The following STK38L variants were observed in gnomAD, a reference collection of about 807,000 sequenced individuals.
STK38L encodes the protein serine/threonine kinase 38 like, also known as serine/threonine-protein kinase 38-like.
A neutral mutation model predicts 59.7 loss-of-function variants in STK38L; 28 were observed. The ratio of observed to expected loss-of-function variants is 0.47; its 90% CI spans 0.35 to 0.64. The LOEUF is 0.64. STK38L is among the 30% of genes least tolerant of loss of function. STK38L has a pLI of 0.01. For missense variants in STK38L, 314 were observed against 555.8 expected, an observed-to-expected ratio of 0.56 and a Z score of 4.37; for synonymous variants, 162 against 176.8, an observed-to-expected ratio of 0.92 and a Z score of 0.66.
chr12:27,314,713 G>C (rs1177617177), intron 7 of STK38L, 55 bp downstream of exon 7: 1 of 1,514,820 alleles, frequency 6.6e-7, no homozygotes, highest in African/African-American at 1.4e-5. Flanking sequence ...TAGAGCAGTA[G>C]GGCTGATTTT....
chr12:27,315,527 CAA>C (rs1265304234), intron 9 of STK38L, among the ~76,000 whole-genome samples, 177 bp downstream of exon 9: 1 of 152,154 alleles, frequency 6.6e-6, no homozygotes, highest in East Asian at 1.9e-4. Flanking sequence ...GCCTGTAAAG[CAA>C]AGTGTTGGTT....
chr12:27,307,737 C>A (rs1464543894), intron 3 of STK38L, among the ~76,000 whole-genome samples: 1 of 152,102 alleles, frequency 6.6e-6, no homozygotes, highest in Non-Finnish European at 1.5e-5. Flanking sequence ...TTTTTGTGGT[C>A]TTTGTAGAAT....
chr12:27,256,942 G>A (rs1943103014), intron 1 of STK38L, among the ~76,000 whole-genome samples: 1 of 152,168 alleles, frequency 6.6e-6, no homozygotes. Context: ...TTGTCATAAA[G>A]GAACATAGGG....
intron 2 of STK38L, among the ~76,000 whole-genome samples, chr12:27,301,070 TACTC>T (rs1168648277): frequency 3.3e-5 from 5 of 152,218 alleles, no homozygotes; most frequent in Non-Finnish European, 5.9e-5. Context: ...AAAATACTAA[TACTC>T]ACTTGGAAAT....
intron 1 of STK38L, among the ~76,000 whole-genome samples, chr12:27,290,731 T>C (rs1348239400): frequency 6.6e-6 from 1 of 152,138 alleles, no homozygotes; most frequent in East Asian, 1.9e-4. Context: ...GGAGAGTTGG[T>C]GGACGGGTGG....
At chr12:27,313,387 A>G (rs1350367270) in intron 6 of STK38L, among the ~76,000 whole-genome samples, 1 of 151,870 alleles carries the variant, frequency 6.6e-6, no homozygotes, top group East Asian at 1.9e-4. Flanking sequence ...TTTTGTTTTA[A>G]TTTTTATTTT....
intron 1 of STK38L, among the ~76,000 whole-genome samples, chr12:27,291,181 C>A (rs1021035407): frequency 1.3e-5 from 2 of 152,102 alleles, no homozygotes; most frequent in Non-Finnish European, 2.9e-5. Context: ...AATTAAAAGC[C>A]TTGAGTGATT....
chr12:27,279,611 A>C (rs1257624790), intron 1 of STK38L, among the ~76,000 whole-genome samples: 1 of 151,834 alleles, frequency 6.6e-6, no homozygotes, highest in Non-Finnish European at 1.5e-5. Flanking sequence ...CTGTAATCCC[A>C]ACTACTCAGG....
intron 3 of STK38L, among the ~76,000 whole-genome samples, chr12:27,306,714 A>AACACACAC (rs10553623): frequency 0.015 from 2,144 of 139,154 alleles, 39 homozygotes; most frequent in East Asian, 0.051. Flanking sequence ...GAATTTTATA[A>AACACACAC]ACACACACAC....
In STK38L at chr12:27,297,717, T is replaced by TA; in HGVS notation, c.-3dup. On this transcript the variant is annotated 5_prime_UTR_variant, in exon 2 of 14. Transcript: ENST00000389032. ...TTTTCTATGTTGTTTCAGTTTCCGTTACTATGGCAATGACGGCAGGGACTA... is the reference window on the plus strand; with the variant it reads ...TTTTCTATGTTGTTTCAGTTTCCGTTAACTATGGCAATGACGGCAGGGACTA... 6.2e-7 allele frequency: 1 copy of TA among 1,608,862 alleles called. No individual in the cohort carries two copies. The highest frequency in any genetic ancestry group is 8.5e-7 in the Non-Finnish European group (1 of 1,177,734).
chr12:27,319,455 T>G (rs1267971461), intron 12 of STK38L, 32 bp downstream of exon 12: 1 of 1,520,722 alleles, frequency 6.6e-7, no homozygotes, highest in African/African-American at 1.4e-5. Context: ...GGGAAAGGTC[T>G]GAGTAAAAAC....
intron 9 of STK38L, among the ~76,000 whole-genome samples, chr12:27,316,920 T>A (rs989983966): frequency 6.6e-6 from 1 of 152,114 alleles, no homozygotes; most frequent in Admixed American, 6.5e-5. Flanking sequence ...AAGAACACAT[T>A]AGTAGTGAGT....
intron 3 of STK38L, among the ~76,000 whole-genome samples, chr12:27,307,800 T>G (rs558448271): frequency 6.6e-6 from 1 of 152,372 alleles, no homozygotes; most frequent in South Asian, 2.1e-4. Context: ...TTGTAATTGT[T>G]TTTGCAATTT....
At chr12:27,283,916 A>G (rs1565536355) in intron 1 of STK38L, among the ~76,000 whole-genome samples, 1 of 152,188 alleles carries the variant, frequency 6.6e-6, no homozygotes, top group Non-Finnish European at 1.5e-5. Context: ...ACAGCTAAAT[A>G]TACGTTTAGA....
At chr12:27,279,891 C>T (rs1468390064) in intron 1 of STK38L, among the ~76,000 whole-genome samples, 2 of 151,896 alleles carry the variant, frequency 1.3e-5, no homozygotes, top group African/African-American at 2.4e-5. Context: ...GATGAAAGAC[C>T]ATATAGCTGA....
In STK38L at chr12:27,322,102, T is replaced by G. The variant is rs777731667; in HGVS notation, c.1176-41T>G. 13 of 1,552,184 alleles carry G rather than the reference T, an allele frequency of 8.4e-6. No homozygotes were observed. In the South Asian group the frequency reaches 1.4e-4, roughly 17 times the overall value. On this transcript the variant is annotated intron_variant, in intron 12 of 13. Transcript: ENST00000389032. ...AGAATTATTTGTTGGAAATTGAGAG[T>G]TCAAGAAAAGTTACCATGCATACTT... is the stretch of plus-strand genomic sequence containing the variant.
At chr12:27,313,829 CT>C (rs1271074904) in intron 6 of STK38L, among the ~76,000 whole-genome samples, 1 of 151,984 alleles carries the variant, frequency 6.6e-6, no homozygotes, top group Non-Finnish European at 1.5e-5. Flanking sequence ...CTGCAGGTGC[CT>C]TTTTTAGTGG....
At chr12:27,267,898 G>T (rs540056030) in intron 1 of STK38L, among the ~76,000 whole-genome samples, 192 of 151,998 alleles carry the variant, frequency 1.3e-3, no homozygotes, top group African/African-American at 4.4e-3. Context: ...TTCCTATTCG[G>T]GTTTTTTGCT....
chr12:27,313,117 G>A (rs1012035752), intron 6 of STK38L, among the ~76,000 whole-genome samples: 2 of 151,926 alleles, frequency 1.3e-5, no homozygotes, highest in African/African-American at 2.4e-5. Flanking sequence ...GCGCAGTGGC[G>A]GGCGCCTGTA....
Sources: gnomAD v4.1 joint callset for allele counts (sites outside exome capture counted in the v4.1 genomes callset) on GRCh38, gnomAD v4.1.1 for gene constraint, MANE v1.5 for transcripts, NCBI Gene and HGNC (gene_info 2026-07-23, HGNC 2026-07-21) for gene names.